USP12: variants seen among roughly 807,000 people sequenced by gnomAD.
USP12 encodes the protein ubiquitin specific peptidase 12.
In USP12, 19 loss-of-function variants were observed where a neutral mutation model predicts 45.5. That is an observed-to-expected ratio of 0.42 (90% CI 0.29 to 0.61). USP12 has a LOEUF of 0.61. Ranked by LOEUF, USP12 falls within the 20% of genes least tolerant of loss-of-function variation. The pLI, the probability that USP12 is intolerant of heterozygous loss-of-function variation, is 0.22. For synonymous variants in USP12, 149 were observed against 148.8 expected (o/e 1.00, Z -0.01); for missense variants, 242 against 447.7 (o/e 0.54, Z 4.15).
intron 1 of USP12, among the ~76,000 whole-genome samples, chr13:27,163,287 C>A (rs1375096546): frequency 1.3e-5 from 2 of 152,128 alleles, no homozygotes; most frequent in Non-Finnish European, 2.9e-5. Context: ...ATGCCCCCTT[C>A]CTACTCTCCA....
intron 1 of USP12, among the ~76,000 whole-genome samples, chr13:27,151,368 A>G (rs1442421521): frequency 6.6e-6 from 1 of 152,196 alleles, no homozygotes; most frequent in Non-Finnish European, 1.5e-5. Context: ...CAAAATCAAA[A>G]TTAAATTTTG....
At chr13:27,167,762 A>G (rs574459931) in intron 1 of USP12, among the ~76,000 whole-genome samples, 218 of 152,200 alleles carry the variant, frequency 1.4e-3, no homozygotes, top group African/African-American at 5.0e-3. Context: ...TATTTAATAT[A>G]ATATTCTTGT....
intron 6 of USP12, among the ~76,000 whole-genome samples, chr13:27,084,517 AG>A (rs1174108796): frequency 1.1e-4 from 16 of 149,750 alleles, no homozygotes; most frequent in African/African-American, 3.4e-4. Context: ...AAAAAAAAAA[AG>A]AGTTCTATAG....
chr13:27,142,877 G>A (rs1193062413), intron 1 of USP12, among the ~76,000 whole-genome samples: 1 of 152,050 alleles, frequency 6.6e-6, no homozygotes, highest in African/African-American at 2.4e-5. Context: ...GGCTGATCAC[G>A]AGGTCAGGAG....
chr13:27,125,236 T>C (rs1876171989), intron 1 of USP12, among the ~76,000 whole-genome samples: 1 of 152,214 alleles, frequency 6.6e-6, no homozygotes, highest in Non-Finnish European at 1.5e-5. Flanking sequence ...TTAAATTTTA[T>C]ATACAAAAGC....
intron 1 of USP12, among the ~76,000 whole-genome samples, chr13:27,127,725 G>A (rs507580): frequency 0.053 from 7,984 of 152,060 alleles, 718 homozygotes; most frequent in African/African-American, 0.18. Flanking sequence ...TCCTTCAACT[G>A]CCACCACAGA....
chr13:27,102,630 G>A (rs1021725754), intron 3 of USP12, among the ~76,000 whole-genome samples: 1 of 152,198 alleles, frequency 6.6e-6, no homozygotes. Context: ...TTAAAATGAT[G>A]TCTTCAAATT....
intron 7 of USP12, among the ~76,000 whole-genome samples, chr13:27,071,533 A>T (rs1873246689): frequency 6.6e-6 from 1 of 152,236 alleles, no homozygotes; most frequent in Non-Finnish European, 1.5e-5. Flanking sequence ...CAATGCATAT[A>T]GAATTATTTC....
At chr13:27,152,215 A>G (rs1203185004) in intron 1 of USP12, among the ~76,000 whole-genome samples, 2 of 152,240 alleles carry the variant, frequency 1.3e-5, no homozygotes, top group African/African-American at 4.8e-5. Flanking sequence ...TAATACCCAT[A>G]AGGTAGAAAT....
At chr13:27,069,716 G>C (rs901766550) in intron 8 of USP12, among the ~76,000 whole-genome samples, 2 of 152,228 alleles carry the variant, frequency 1.3e-5, no homozygotes, top group African/African-American at 4.8e-5. Context: ...GGGAGGCCAA[G>C]GCGGGCAGAT....
At chr13:27,096,306 G>A (rs73155870) in intron 3 of USP12, among the ~76,000 whole-genome samples, 7,639 of 152,258 alleles carry the variant, frequency 0.05, 248 homozygotes, top group Non-Finnish European at 0.059. Context: ...AGCCCAGAAC[G>A]TGGGGCTTTT....
At position 27,075,239 on chromosome 13, in the gene USP12, T is replaced by C; in HGVS notation, c.884A>G (p.Asn295Ser). 1 of 1,613,992 alleles carries C rather than the reference T, an allele frequency of 6.2e-7. No individual in the cohort carries two copies. The highest frequency in any genetic ancestry group is 8.5e-7 in the Non-Finnish European group (1 of 1,179,878). ...AACAAGGTCGTACATTCTGTCTGGA[T>C]TGGTGGCATCACCTGAAGTGTTAAA... ...RLFNTSGDAT[N>S]PDRMYDLVAV... Residue 295 changes from asparagine to serine, a missense_variant, in exon 7 of 9, where the codon AAT (asparagine) becomes AGT (serine). This residue lies in a region of USP12 where 94 missense variants were observed against 168.3 expected (regional missense o/e 0.56). Transcript: ENST00000282344.
chr13:27,139,978 C>T (rs1251266626), intron 1 of USP12, among the ~76,000 whole-genome samples: 1 of 152,138 alleles, frequency 6.6e-6, no homozygotes. Context: ...CTACTAATTA[C>T]CCTCTAACAG....
chr13:27,135,476 G>A (rs1229175907), intron 1 of USP12, among the ~76,000 whole-genome samples: 1 of 152,152 alleles, frequency 6.6e-6, no homozygotes, highest in Non-Finnish European at 1.5e-5. Context: ...ACTTTCGGAG[G>A]CCGAGGCAGA....
chr13:27,137,149 A>C (rs188266899), intron 1 of USP12, among the ~76,000 whole-genome samples: 1 of 152,364 alleles, frequency 6.6e-6, no homozygotes, highest in East Asian at 1.9e-4. Flanking sequence ...GTAGTCTTCC[A>C]TATTACAAAA....
At chr13:27,152,897 G>A (rs1392893601) in intron 1 of USP12, among the ~76,000 whole-genome samples, 1 of 142,816 alleles carries the variant, frequency 7.0e-6, no homozygotes, top group Non-Finnish European at 1.5e-5. Flanking sequence ...AGTGGATATC[G>A]CACCACTGCA....
chr13:27,082,179 C>G (rs989686764), intron 6 of USP12, among the ~76,000 whole-genome samples: 3 of 152,206 alleles, frequency 2.0e-5, no homozygotes, highest in African/African-American at 7.2e-5. Flanking sequence ...ACTGTTTCCT[C>G]TATATTGAAA....
chr13:27,088,151 T>C (rs1183354878), intron 6 of USP12, among the ~76,000 whole-genome samples: 1 of 152,238 alleles, frequency 6.6e-6, no homozygotes, highest in Non-Finnish European at 1.5e-5. Flanking sequence ...CCGGGCGCAG[T>C]GGCTCACGCC....
chr13:27,091,881 A>T (rs1218536759), intron 4 of USP12, among the ~76,000 whole-genome samples: 1 of 152,224 alleles, frequency 6.6e-6, no homozygotes, highest in Non-Finnish European at 1.5e-5. Flanking sequence ...AAATACAAGC[A>T]TGAGCTCCTC....
Sources: allele counts gnomAD v4.1 joint callset (sites outside exome capture counted in the v4.1 genomes callset), GRCh38; gene constraint gnomAD v4.1.1; regional missense constraint gnomAD v4.1.1; transcripts MANE v1.5; gene names NCBI Gene and HGNC (gene_info 2026-07-23, HGNC 2026-07-21).